The following DPYD variants were observed in gnomAD, a reference collection of about 807,000 sequenced individuals.
DPYD encodes the protein dihydropyrimidine dehydrogenase [NADP(+)].
DPYD carries 109 observed loss-of-function variants against 116.2 expected under a neutral mutation model. That is an observed-to-expected ratio of 0.94 (90% confidence interval 0.80 to 1.10). DPYD has a LOEUF of 1.10. Ranked by LOEUF, DPYD falls within the 50% of genes least tolerant of loss-of-function variation. The pLI is 0.00. For synonymous variants in DPYD, 440 were observed against 432.0 expected (o/e 1.02, Z -0.23); for missense variants, 1,302 against 1,254.5 (o/e 1.04, Z -0.57).
At chr1:97,554,267 T>A (rs2102104148) in intron 11 of DPYD, among the ~76,000 whole-genome samples, 1 of 152,250 alleles carries the variant, frequency 6.6e-6, no homozygotes, top group Admixed American at 6.5e-5. Context: ...ATATGACAAG[T>A]ATATTTCTCA....
chr1:97,415,277 A>G (rs543610225), intron 14 of DPYD, among the ~76,000 whole-genome samples: 87 of 152,298 alleles, frequency 5.7e-4, no homozygotes, highest in African/African-American at 2.1e-3. Flanking sequence ...TCCTATCTAA[A>G]TGAATCAGGA....
chr1:97,173,401 T>C (rs1458444659), intron 20 of DPYD, among the ~76,000 whole-genome samples: 1 of 150,016 alleles, frequency 6.7e-6, no homozygotes, highest in Non-Finnish European at 1.5e-5. Flanking sequence ...TATATGTGTG[T>C]ATATACGTAC....
intron 18 of DPYD, among the ~76,000 whole-genome samples, chr1:97,246,414 G>C (rs1167316389): frequency 6.6e-6 from 1 of 152,094 alleles, no homozygotes; most frequent in Admixed American, 6.6e-5. Context: ...GGAGAGCCAG[G>C]AAATCTGAGG....
chr1:97,349,945 C>CTAA (rs371088365), intron 16 of DPYD, among the ~76,000 whole-genome samples: 1 of 134,736 alleles, frequency 7.4e-6, no homozygotes, highest in African/African-American at 2.8e-5. Context: ...TAAAAGAATC[C>CTAA]AAAAAAAAAA....
intron 19 of DPYD, among the ~76,000 whole-genome samples, chr1:97,215,811 A>G (rs1660342114): frequency 6.6e-6 from 1 of 152,196 alleles, no homozygotes; most frequent in South Asian, 2.1e-4. Flanking sequence ...TGTGTGGTAT[A>G]AGATACTTGT....
At chr1:97,743,295 G>T (rs1664368359) in intron 3 of DPYD, among the ~76,000 whole-genome samples, 1 of 152,202 alleles carries the variant, frequency 6.6e-6, no homozygotes. Context: ...GGCAGACTCT[G>T]ATAATAATAC....
chr1:97,193,016 A>C (rs1658486805), intron 20 of DPYD, 53 bp downstream of exon 20: 1 of 1,596,882 alleles, frequency 6.3e-7, no homozygotes, highest in Non-Finnish European at 8.6e-7. Context: ...AAGATCTGAA[A>C]TAGAAACCAA....
chr1:97,691,885 T>C (rs893635841), intron 6 of DPYD, 87 bp from the exon 7 acceptor site: 6 of 1,011,024 alleles, frequency 5.9e-6, no homozygotes, highest in Admixed American at 1.8e-5. Flanking sequence ...CATGTCTTTA[T>C]GGATTAGTAG....
At chr1:97,502,033 A>G (rs1679615349) in intron 13 of DPYD, among the ~76,000 whole-genome samples, 1 of 152,044 alleles carries the variant, frequency 6.6e-6, no homozygotes, top group Non-Finnish European at 1.5e-5. Flanking sequence ...CATGACTTGT[A>G]ACTAATGAGA....
intron 8 of DPYD, among the ~76,000 whole-genome samples, chr1:97,616,918 C>T (rs1656316790): frequency 6.6e-6 from 1 of 151,828 alleles, no homozygotes; most frequent in Admixed American, 6.6e-5. Context: ...ACGGAGTCTC[C>T]CTCTGTTGCC....
chr1:97,287,558 T>C (rs4259713), intron 18 of DPYD, among the ~76,000 whole-genome samples: 90,374 of 152,006 alleles, frequency 0.59, 27,097 homozygotes, highest in South Asian at 0.71. Flanking sequence ...CAGGCAGGCA[T>C]CCTTGAGCTG....
chr1:97,469,845 T>C (rs1009227387), intron 13 of DPYD, among the ~76,000 whole-genome samples: 12 of 152,202 alleles, frequency 7.9e-5, no homozygotes, highest in African/African-American at 2.9e-4. Flanking sequence ...AAGTATCTGA[T>C]TGTTTACTTA....
chr1:97,857,847 G>C (rs1057469244), intron 2 of DPYD, among the ~76,000 whole-genome samples: 6 of 151,956 alleles, frequency 3.9e-5, no homozygotes, highest in Non-Finnish European at 8.8e-5. Flanking sequence ...GTGCAGTCTC[G>C]AGGCCTGAGC....
chr1:97,417,721 T>C (rs1168387360), intron 14 of DPYD, among the ~76,000 whole-genome samples: 2 of 152,182 alleles, frequency 1.3e-5, no homozygotes, highest in Non-Finnish European at 2.9e-5. Context: ...CCTAGAACAT[T>C]GAGTCCCATA....
intron 20 of DPYD, among the ~76,000 whole-genome samples, chr1:97,183,592 GT>G (rs1657795257): frequency 6.6e-6 from 1 of 152,034 alleles, no homozygotes; most frequent in African/African-American, 2.4e-5. Context: ...GGCTATTCTA[GT>G]TTGTCTGAAT....
intron 21 of DPYD, among the ~76,000 whole-genome samples, chr1:97,091,381 G>C (rs1015948205): frequency 1.3e-5 from 2 of 152,112 alleles, no homozygotes; most frequent in African/African-American, 4.8e-5. Flanking sequence ...TAGGAAAAAT[G>C]GTATGTCAAG....
intron 8 of DPYD, among the ~76,000 whole-genome samples, chr1:97,622,724 G>A (rs1656702757): frequency 6.6e-6 from 1 of 151,936 alleles, no homozygotes; most frequent in Admixed American, 6.6e-5. Context: ...ATCTAAAACT[G>A]TTCTAAAATA....
At chr1:97,720,695 A>G (rs568636468) in intron 5 of DPYD, 2 of 1,394,490 alleles carry the variant, frequency 1.4e-6, no homozygotes, top group South Asian at 3.5e-5. Context: ...CAGATCAGTA[A>G]GTCATTAACT....
intron 21 of DPYD, among the ~76,000 whole-genome samples, chr1:97,090,197 G>C (rs1325079001): frequency 6.6e-6 from 1 of 152,082 alleles, no homozygotes; most frequent in Admixed American, 6.5e-5. Context: ...AAGTATGTTT[G>C]AATACTGTGC....
Sources: gnomAD v4.1 joint callset for allele counts (sites outside exome capture counted in the v4.1 genomes callset) on GRCh38, gnomAD v4.1.1 for gene constraint, MANE v1.5 for transcripts, NCBI Gene and HGNC (gene_info 2026-07-23, HGNC 2026-07-21) for gene names.